Variants in FANCI observed in about 807,000 individuals in gnomAD.
FANCI encodes the protein FA complementation group I, also known as Fanconi anemia group I protein.
A neutral mutation model predicts 176.1 loss-of-function variants in FANCI; 156 were observed. The observed-to-expected ratio is 0.89, with a 90% confidence interval of 0.78 to 1.01. FANCI has a LOEUF of 1.01. Ranked by LOEUF, FANCI falls within the 50% of genes least tolerant of loss-of-function variation. FANCI has a pLI of 0.00. For synonymous variants in FANCI, 613 were observed against 541.7 expected (o/e 1.13, Z -1.83); for missense variants, 1,678 against 1,534.1 (o/e 1.09, Z -1.57).
rs771758909 is a variant in FANCI, at chr15:89,314,625, G to A, written c.3734G>A (p.Arg1245Gln). 5.0e-6 allele frequency: 8 copies of A among 1,613,858 alleles called. No homozygotes were observed. The highest frequency in any genetic ancestry group is 2.7e-5 in the African/African-American group (2 of 75,010). The stretch of plus-strand genomic sequence containing the variant: ...CTTTGCCCTTAGGCCAGAGTTCTTC[G>A]GGAAACCAAGCCAATCCCTAACCTC... Reference protein sequence around the residue: ...AVATAMARVLRETKPIPNLIF... With the variant: ...AVATAMARVLQETKPIPNLIF... Residue 1245 changes from arginine (R) to glutamine (Q), a missense_variant, in exon 36 of 38, where the codon CGG becomes CAG. Transcript: ENST00000310775.
At chr15:89,282,044 A>G in intron 16 of FANCI, 1 of 552,054 alleles carries the variant, frequency 1.8e-6, no homozygotes, top group Non-Finnish European at 3.3e-6. Flanking sequence ...AGTAAGAATT[A>G]TTGCAATTCC....
intron 23 of FANCI, 51 bp from the exon 24 acceptor site, chr15:89,294,864 T>C (rs1364733747): frequency 7.9e-6 from 12 of 1,524,208 alleles, no homozygotes; most frequent in Admixed American, 4.1e-5. Context: ...CATATACCAA[T>C]AGCAGTAAGG....
In FANCI at chr15:89,281,639, C is replaced by T. The variant is rs547000269; in HGVS notation, c.1513-126C>T. ...TATTGTCCTTGTTAACTGTAATAAA[C>T]ATTAAAACGTATATAAAACAGAAGT... On this transcript the variant is annotated intron_variant, in intron 15 of 37. Transcript: ENST00000310775. 9.0e-5 allele frequency: 83 copies of T among 925,058 alleles called. No homozygotes were observed. The African/African-American group carries it at 1.2e-3, about 14-fold the overall frequency. 57.3% of individuals were successfully genotyped at this position (925,058 alleles called of 1,614,324 possible). A position where few individuals can be genotyped will look rare whatever the true frequency, so the allele number is the denominator to read the frequency against.
At chr15:89,307,581 T>C (rs2054773708) in intron 33 of FANCI, 32 bp from the exon 34 acceptor site, 3 of 1,614,204 alleles carry the variant, frequency 1.9e-6, no homozygotes, top group Non-Finnish European at 2.5e-6. Flanking sequence ...TTACTGCTGG[T>C]TACATTGGTT....
At chr15:89,308,959 A>AT (rs397747163) in intron 34 of FANCI, among the ~76,000 whole-genome samples, 2 of 151,750 alleles carry the variant, frequency 1.3e-5, no homozygotes, top group Non-Finnish European at 2.9e-5. Flanking sequence ...AAAAAAAAAA[A>AT]TAAAGAATCA....
intron 35 of FANCI, among the ~76,000 whole-genome samples, chr15:89,313,548 G>T (rs977543451): frequency 6.6e-6 from 1 of 152,198 alleles, no homozygotes; most frequent in Non-Finnish European, 1.5e-5. Context: ...TAAAAGATGT[G>T]TAAGAGTCAG....
chr15:89,294,875 G>C, intron 23 of FANCI, 40 bp from the exon 24 acceptor site: 1 of 1,541,738 alleles, frequency 6.5e-7, no homozygotes, highest in Non-Finnish European at 8.8e-7. Context: ...AGCAGTAAGG[G>C]AATCTTCCTT....
At chr15:89,291,836 T>TTGGAAATGAAAGTAATGA in intron 20 of FANCI, 122 bp downstream of exon 20, 1 of 799,884 alleles carries the variant, frequency 1.3e-6, no homozygotes, top group Non-Finnish European at 2.1e-6. Context: ...TGTTTACTTT[T>TTGGAAATGAAAGTAATGA]AAGTCTTCCC....
chr15:89,314,927 C>G (rs934420045), intron 36 of FANCI, among the ~76,000 whole-genome samples: 3 of 149,006 alleles, frequency 2.0e-5, no homozygotes, highest in Non-Finnish European at 3.0e-5. Flanking sequence ...GCCTCAGCCT[C>G]CAGAGTAGCT....
intron 34 of FANCI, among the ~76,000 whole-genome samples, chr15:89,308,790 C>A (rs966248001): frequency 4.6e-5 from 7 of 151,934 alleles, no homozygotes; most frequent in Admixed American, 1.3e-4. Context: ...ACAAAAAATA[C>A]AAAAAATTAG....
intron 9 of FANCI, among the ~76,000 whole-genome samples, chr15:89,265,272 A>T (rs527974847): frequency 3.9e-5 from 6 of 152,246 alleles, no homozygotes; most frequent in African/African-American, 1.4e-4. Context: ...CATTGGCATG[A>T]TCTCAGCTCA....
At chr15:89,313,973 TCA>T (rs139859584) in intron 35 of FANCI, among the ~76,000 whole-genome samples, 1,574 of 98,164 alleles carry the variant, frequency 0.016, 20 homozygotes, top group African/African-American at 0.042. Context: ...AGATATATAA[TCA>T]CACACACACA....
At position 89,299,197 on chromosome 15, in the gene FANCI, T is replaced by C. The variant is rs965617590; in HGVS notation, c.2637-603T>C. Among the ~76,000 whole-genome samples, 17 of 151,528 alleles carry C rather than the reference T, an allele frequency of 1.1e-4. No homozygotes were observed. In the East Asian group the frequency reaches 3.1e-3, roughly 28 times the overall value. Reference sequence around the variant, plus strand: ...AAAAAAAAAAAAAACCTGAGTAATCTTATCTCTATTCAAAAAAACCTGAGT... The same window carrying C: ...AAAAAAAAAAAAAACCTGAGTAATCCTATCTCTATTCAAAAAAACCTGAGT... On this transcript the variant is annotated intron_variant, in intron 24 of 37. Coordinates refer to ENST00000310775, the MANE Select transcript of FANCI (RefSeq NM_001113378.2).
At chr15:89,297,193 C>T (rs1239615489) in intron 24 of FANCI, among the ~76,000 whole-genome samples, 2 of 151,402 alleles carry the variant, frequency 1.3e-5, no homozygotes, top group Non-Finnish European at 2.9e-5. Flanking sequence ...CCTCACATCC[C>T]AGACGGGGCG....
At chr15:89,261,114 G>GA (rs1156685673) in intron 4 of FANCI, among the ~76,000 whole-genome samples, 1 of 151,794 alleles carries the variant, frequency 6.6e-6, no homozygotes, top group East Asian at 1.9e-4. Context: ...AAATACAAAA[G>GA]AAAAAAAATT....
At chr15:89,296,965 G>GC (rs1307486116) in intron 24 of FANCI, among the ~76,000 whole-genome samples, 19 of 143,770 alleles carry the variant, frequency 1.3e-4, no homozygotes, top group African/African-American at 5.1e-4. Flanking sequence ...GCCGGGCGGG[G>GC]GGCTGACCCC....
chr15:89,305,085 CT>C (rs1268278854), intron 28 of FANCI, 29 bp from the exon 29 acceptor site: 2 of 1,612,514 alleles, frequency 1.2e-6, no homozygotes, highest in Admixed American at 1.7e-5. Flanking sequence ...CACAACTTAC[CT>C]TTTAATTTGC....
intron 24 of FANCI, among the ~76,000 whole-genome samples, chr15:89,295,372 A>G (rs2054216550): frequency 6.6e-6 from 1 of 151,698 alleles, no homozygotes; most frequent in South Asian, 2.1e-4. Context: ...AAAAGAAAAA[A>G]AAAAAAAAAA....
In FANCI at chr15:89,264,039, A is replaced by T; in HGVS notation, c.669+13A>T. On this transcript the variant is annotated intron_variant, in intron 8 of 37. Coordinates refer to ENST00000310775, the MANE Select transcript of FANCI (RefSeq NM_001113378.2). ...TCTCTCCTCCAAGGTACAAATGGAAAATTGTTTCTCCTTAGTTCTGGTGGT... is the reference window on the plus strand; with the variant it reads ...TCTCTCCTCCAAGGTACAAATGGAATATTGTTTCTCCTTAGTTCTGGTGGT... 6.2e-7 allele frequency: 1 copy of T among 1,613,984 alleles called. No individual in the cohort carries two copies. Among genetic ancestry groups the T allele is most frequent in the Non-Finnish European group, 8.5e-7 (1 of 1,179,914 alleles).
Sources: allele counts gnomAD v4.1 joint callset (sites outside exome capture counted in the v4.1 genomes callset), GRCh38; gene constraint gnomAD v4.1.1; transcripts MANE v1.5; gene names NCBI Gene and HGNC (gene_info 2026-07-23, HGNC 2026-07-21).